Variants in USP35 observed in about 807,000 individuals in gnomAD.
USP35 encodes the protein ubiquitin carboxyl-terminal hydrolase 35.
In USP35, 69 loss-of-function variants were observed where a neutral mutation model predicts 83.8. The ratio of observed to expected loss-of-function variants is 0.82; its 90% CI spans 0.68 to 1.01. The LOEUF (loss-of-function observed/expected upper bound fraction) is 1.01. Ranked by LOEUF, USP35 falls within the 50% of genes least tolerant of loss-of-function variation. The pLI is 0.00. For missense variants in USP35, 1,503 were observed against 1,362.5 expected (o/e 1.10, Z -1.62); for synonymous variants, 714 against 589.5 (o/e 1.21, Z -3.06).
intron 1 of USP35, among the ~76,000 whole-genome samples, chr11:78,193,523 G>A (rs1863057976): frequency 6.6e-6 from 1 of 151,998 alleles, no homozygotes; most frequent in Admixed American, 6.6e-5. Context: ...AGTTTTTAAA[G>A]ACACTTTATA....
At position 78,212,949 on chromosome 11, in the gene USP35, C is replaced by CTGTG. The variant is rs1863850632; in HGVS notation, c.2890-694_2890-691dup. 2.6e-5 allele frequency among the ~76,000 whole-genome samples: 4 copies of CTGTG among 152,262 alleles called. No homozygotes were observed. The South Asian group carries it at 8.3e-4, about 32-fold the overall frequency. ...GGGTCCCACTACCCACGTGAGCCTC[C>CTGTG]TGTGTGACTCCCTAGAGTCAAGGGT... On this transcript the variant is annotated intron_variant, in intron 10 of 10. Transcript: ENST00000529308.
chr11:78,225,232 T>A, the USP35 span: 6 of 1,423,124 alleles, frequency 4.2e-6, no homozygotes, highest in Non-Finnish European at 6.0e-6. Flanking sequence ...TCATAAGTAC[T>A]CATGGTTGAT....
Position 78,214,884 on chromosome 11 carries a change from ACTTACTTACCTTACTGAGGGCT to A in USP35, c.*1072_*1093del, listed in dbSNP as rs1463563695. On this transcript the variant is annotated 3_prime_UTR_variant, in exon 11 of 11. Transcript: ENST00000529308. ...TGTAAGTAAACGTGTGGACTGACTG[ACTTACTTACCTTACTGAGGGCT>A]GGGTGATGCTGCCCGTGGAGAGGAT... 9.6e-5 allele frequency among the ~76,000 whole-genome samples: 8 copies of A among 83,100 alleles called. No individual in the cohort carries two copies. The highest frequency in any genetic ancestry group is 1.5e-4 in the Non-Finnish European group (7 of 46,564). The allele number at this position is 83,100 out of a possible 152,430, so 54.5% of individuals were successfully genotyped here. A position where few individuals can be genotyped will look rare whatever the true frequency, so the allele number is the denominator to read the frequency against.
At position 78,212,772 on chromosome 11, in the gene USP35, T is replaced by TAACA. The variant is rs540737818; in HGVS notation, c.2890-873_2890-870dup. Among the ~76,000 whole-genome samples the TAACA allele has an allele frequency of 2.6e-3, 394 of 151,122 alleles. 6 individuals carry two copies. Among genetic ancestry groups the TAACA allele is most frequent in the Middle Eastern group, 0.02 (6 of 294 alleles). On this transcript the variant is annotated intron_variant, in intron 10 of 10. Transcript: ENST00000529308. ...CATCTTGAGAGTTGCTGAAGTTGCT[T>TAACA]AACAGCTTAAGAAGCTCCTGGGATG...
At chr11:78,220,528 C>T in the USP35 span, 19 of 1,214,604 alleles carry the variant, frequency 1.6e-5, no homozygotes, top group Non-Finnish European at 2.1e-5. Flanking sequence ...GGAGTAAGAA[C>T]ACTGTTTCCC....
chr11:78,200,793 C>T lies in USP35; in HGVS notation c.1182C>T (p.Val394=). ...GCTTCCCGGATCTGTATGAGCCTGT[C>T]ATGGAGGCCATCAAGGTGAGCGACA... ...FPGFPDLYEP[V]MEAIKDLHVP... Residue 394 remains valine (V), a synonymous_variant, in exon 6 of 11, where the codon GTC becomes GTT. Coordinates refer to ENST00000529308, the MANE Select transcript of USP35 (RefSeq NM_020798.4). 1 of 1,609,410 alleles carries T rather than the reference C, an allele frequency of 6.2e-7. No homozygotes were observed.
Position 78,214,082 on chromosome 11 carries a change from C to CCCCTCCTT in USP35, c.*274_*281dup, listed in dbSNP as rs1863942175. On this transcript the variant is annotated 3_prime_UTR_variant, in exon 11 of 11. Transcript: ENST00000529308. ...ATGGGCACACACGGGTCTTTGCCTCCCCCTCCTTCCCTAGCAGGCTCCCCA... is the reference window on the plus strand; with the variant it reads ...ATGGGCACACACGGGTCTTTGCCTCCCCCTCCTTCCCTCCTTCCCTAGCAGGCTCCCCA... 4.1e-5 allele frequency: 15 copies of CCCCTCCTT among 363,444 alleles called. No homozygotes were observed. The South Asian group carries it at 8.1e-4, about 20-fold the overall frequency. 22.5% of individuals were successfully genotyped at this position (363,444 alleles called of 1,614,324 possible).
the USP35 span, chr11:78,225,018 A>G: frequency 1.3e-6 from 1 of 784,164 alleles, no homozygotes; most frequent in Non-Finnish European, 2.2e-6. Context: ...GACGCCATCA[A>G]TCTTTTGGGG....
the USP35 span, among the ~76,000 whole-genome samples, chr11:78,230,622 G>A: frequency 1.3e-5 from 2 of 152,232 alleles, no homozygotes; most frequent in African/African-American, 4.8e-5. Flanking sequence ...GCCATATCCT[G>A]TACCCTGGCA....
intron 4 of USP35, 60 bp downstream of exon 4, chr11:78,199,784 C>T (rs1173737235): frequency 1.6e-5 from 26 of 1,610,492 alleles, no homozygotes; most frequent in Non-Finnish European, 2.0e-5. Flanking sequence ...TTGCCAGGGG[C>T]GGTGCAGGTC....
At chr11:78,232,716 G>T in the USP35 span, among the ~76,000 whole-genome samples, 46 of 152,226 alleles carry the variant, frequency 3.0e-4, no homozygotes, top group East Asian at 8.9e-3. Context: ...TTAATTTACT[G>T]TATCTTTACA....
At chr11:78,224,489 A>G in the USP35 span, among the ~76,000 whole-genome samples, 3 of 152,210 alleles carry the variant, frequency 2.0e-5, no homozygotes, top group Non-Finnish European at 4.4e-5. Flanking sequence ...AGCTGCAGTC[A>G]GAGCTTCTAC....
At chr11:78,224,827 G>A in the USP35 span, among the ~76,000 whole-genome samples, 5 of 152,090 alleles carry the variant, frequency 3.3e-5, no homozygotes, top group Non-Finnish European at 5.9e-5. Flanking sequence ...CCCCCACCGT[G>A]CAGCCTGGGT....
the USP35 span, chr11:78,221,617 T>C: frequency 1.0e-6 from 1 of 995,438 alleles, no homozygotes; most frequent in Non-Finnish European, 1.6e-6. Context: ...AGTGGGGAAC[T>C]GAGGGGTGGG....
At chr11:78,204,514 G>A (rs953863465) in intron 6 of USP35, among the ~76,000 whole-genome samples, 1 of 152,116 alleles carries the variant, frequency 6.6e-6, no homozygotes, top group African/African-American at 2.4e-5. Context: ...ATTTTCCTGA[G>A]AACAAAGTTA....
the USP35 span, among the ~76,000 whole-genome samples, chr11:78,229,604 A>T: frequency 6.6e-6 from 1 of 152,300 alleles, no homozygotes; most frequent in South Asian, 2.1e-4. Context: ...GGCCTCTCTG[A>T]TCCTTCCATC....
Position 78,214,010 on chromosome 11 carries a change from A to G in USP35, c.*197A>G. On this transcript the variant is annotated 3_prime_UTR_variant, in exon 11 of 11. Coordinates refer to ENST00000529308, the MANE Select transcript of USP35 (RefSeq NM_020798.4). ...GTCCCTTTCATTGGGGATCAGTCCCATTAAAACTTTACACCCAAGTGTCCT... is the reference window on the plus strand; with the variant it reads ...GTCCCTTTCATTGGGGATCAGTCCCGTTAAAACTTTACACCCAAGTGTCCT... The G allele has an allele frequency of 1.7e-6, 1 of 578,216 alleles. No homozygotes were observed. Among genetic ancestry groups the G allele is most frequent in the Non-Finnish European group, 2.7e-6 (1 of 369,702 alleles). The allele number at this position is 578,216 out of a possible 1,614,324, so 35.8% of individuals were successfully genotyped here.
At chr11:78,203,944 G>A (rs1431600396) in intron 6 of USP35, among the ~76,000 whole-genome samples, 3 of 136,490 alleles carry the variant, frequency 2.2e-5, no homozygotes, top group African/African-American at 8.7e-5. Context: ...AGGCTGGAGT[G>A]CAGTGGCGGG....
Position 78,210,499 on chromosome 11 carries a change from G to C in USP35, c.2644G>C (p.Asp882His). 3 of 1,614,134 alleles carry C rather than the reference G, an allele frequency of 1.9e-6. No homozygotes were observed. The highest frequency in any genetic ancestry group is 1.7e-6 in the Non-Finnish European group (2 of 1,179,950). Residue 882 changes from aspartate (D) to histidine (H), a missense_variant, in exon 10 of 11, where the codon GAT becomes CAT. By Grantham distance (81) the Asp-to-His change is moderately conservative. Transcript: ENST00000529308. ...ARPAASLGTA[D>H]RPEPENQWYL... ...CCCTGCCGCTTCTCTGGGAACTGCC[G>C]ATAGGCCAGAGCCCGAGAACCAGTG... is the stretch of plus-strand genomic sequence containing the variant.
Sources: allele counts gnomAD v4.1 joint callset (sites outside exome capture counted in the v4.1 genomes callset), GRCh38; gene constraint gnomAD v4.1.1; transcripts MANE v1.5; gene names NCBI Gene and HGNC (gene_info 2026-07-23, HGNC 2026-07-21).